ABLIM2: variants seen among roughly 807,000 people sequenced by gnomAD.
The protein encoded by ABLIM2 is actin-binding LIM protein 2.
In ABLIM2, 53 loss-of-function variants were observed where a neutral mutation model predicts 97.7. That is an observed-to-expected ratio of 0.54 (90% confidence interval 0.44 to 0.68). ABLIM2 has a LOEUF of 0.68. ABLIM2 is among the 30% of genes least tolerant of loss of function. The pLI is 0.00. For synonymous variants in ABLIM2, 361 were observed against 345.8 expected (o/e 1.04, Z -0.49); for missense variants, 835 against 867.2 (o/e 0.96, Z 0.47).
At chr4:8,109,104 C>T (rs1243908613) in intron 1 of ABLIM2, among the ~76,000 whole-genome samples, 1 of 152,370 alleles carries the variant, frequency 6.6e-6, no homozygotes, top group South Asian at 2.1e-4. Flanking sequence ...GGCCGCGGCA[C>T]TGGCCCCCCA....
At chr4:7,990,964 G>T (rs1338594390) in intron 17 of ABLIM2, among the ~76,000 whole-genome samples, 2 of 152,226 alleles carry the variant, frequency 1.3e-5, no homozygotes, top group Non-Finnish European at 2.9e-5. Context: ...ATCTCCACGT[G>T]ATGATGAGTT....
chr4:8,131,064 CTG>C (rs2152930401), intron 1 of ABLIM2, among the ~76,000 whole-genome samples: 1 of 152,326 alleles, frequency 6.6e-6, no homozygotes, highest in African/African-American at 2.4e-5. Context: ...CTTAGAATAA[CTG>C]TGATGGCACT....
chr4:8,026,929 C>T (rs1205313306), intron 12 of ABLIM2, among the ~76,000 whole-genome samples: 1 of 149,856 alleles, frequency 6.7e-6, no homozygotes, highest in East Asian at 2.0e-4. Flanking sequence ...TGTGTGTCTG[C>T]AGTGGCCTTT....
chr4:8,059,929 C>T lies in ABLIM2; in HGVS notation c.763+1038G>A, dbSNP rs909562373. Among the ~76,000 whole-genome samples the T allele has an allele frequency of 3.0e-4, 25 of 82,000 alleles. 1 individual carries two copies. Among genetic ancestry groups the T allele is most frequent in the African/African-American group, 1.1e-3 (25 of 23,016 alleles). 53.8% of individuals were successfully genotyped at this position (82,000 alleles called of 152,430 possible). A position where few individuals can be genotyped will look rare whatever the true frequency, so the allele number is the denominator to read the frequency against. Reference sequence around the variant, plus strand: ...TTCAAAAAAAAAAAAAAAAAAAAACCCCAAAAAACCCCAAAGCTGCCTCTT... The same window carrying T: ...TTCAAAAAAAAAAAAAAAAAAAAACTCCAAAAAACCCCAAAGCTGCCTCTT... On this transcript the variant is annotated intron_variant, in intron 7 of 20. Coordinates refer to ENST00000447017, the MANE Select transcript of ABLIM2 (RefSeq NM_001130083.2).
rs1754748540 is a variant in ABLIM2, at chr4:7,998,246, T to C, written c.1619-5319A>G. Among the ~76,000 whole-genome samples the C allele has an allele frequency of 6.6e-6, 1 of 152,144 alleles. No individual in the cohort carries two copies. The highest frequency in any genetic ancestry group is 1.5e-5 in the Non-Finnish European group (1 of 68,026). On this transcript the variant is annotated intron_variant, in intron 16 of 20. Transcript: ENST00000447017. The surrounding 1 kb of genome is among the most constrained non-coding windows in gnomAD (Gnocchi z 6.4). ...CGGTGTTCTTGGTGTGACGGGTAAT[T>C]TTTCTGCAGTATCCTGGGCATTTTG... is the stretch of plus-strand genomic sequence containing the variant.
At chr4:8,135,487 T>C (rs1272156127) in intron 1 of ABLIM2, among the ~76,000 whole-genome samples, 2 of 152,188 alleles carry the variant, frequency 1.3e-5, no homozygotes, top group Admixed American at 1.3e-4. Context: ...ATGGGATTAG[T>C]GCCCTTTCAA....
In ABLIM2 at chr4:8,097,281, T is replaced by A; in HGVS notation, c.156A>T (p.Ala52=). ...YFHIKCFVCK[A]CGCDLAEGGF... ...CGCCCTCGGCCAGGTCGCAGCCACA[T>A]GCTGGGGGAGGACGGGCGAGGTGGC... The change falls in exon 3 of 21, where the codon GCA becomes GCT. Residue 52 remains alanine (A), a splice_region_variant and synonymous_variant. Transcript: ENST00000447017. 1 of 1,559,456 alleles carries A rather than the reference T, an allele frequency of 6.4e-7. No individual in the cohort carries two copies. Among genetic ancestry groups the A allele is most frequent in the Middle Eastern group, 1.7e-4 (1 of 5,962 alleles).
chr4:8,099,642 G>A lies in ABLIM2; in HGVS notation c.155-2360C>T, dbSNP rs113539848. On this transcript the variant is annotated intron_variant, in intron 2 of 20. Coordinates refer to ENST00000447017, the MANE Select transcript of ABLIM2 (RefSeq NM_001130083.2). Reference sequence around the variant, plus strand: ...AGGCAGATCACGAGGTCAGGAGATCGAGACCATCCTGGCTAACATGGTGAA... The same window carrying A: ...AGGCAGATCACGAGGTCAGGAGATCAAGACCATCCTGGCTAACATGGTGAA... Among the ~76,000 whole-genome samples the A allele has an allele frequency of 3.8e-4, 58 of 152,216 alleles. 4 individuals are homozygous for A. The highest frequency in any genetic ancestry group is 3.4e-3 in the Middle Eastern group (1 of 294).
rs1711758818 is a variant in ABLIM2 at position 8,149,313 on chromosome 4, A to G, written c.10+9367T>C. On this transcript the variant is annotated intron_variant, in intron 1 of 20. Transcript: ENST00000447017. The surrounding 1 kb of genome is among the most constrained non-coding windows in gnomAD (Gnocchi z 6.4). ...CGCATATGAACAGTCATTTTGCCGCATGAGGTCACATAGTCACAGGGCCTG... is the reference window on the plus strand; with the variant it reads ...CGCATATGAACAGTCATTTTGCCGCGTGAGGTCACATAGTCACAGGGCCTG... Among the ~76,000 whole-genome samples, 1 of 152,120 alleles carries G rather than the reference A, an allele frequency of 6.6e-6. No homozygotes were observed. The highest frequency in any genetic ancestry group is 2.1e-4 in the South Asian group (1 of 4,826).
At chr4:8,063,489 T>C (rs1804817334) in intron 6 of ABLIM2, among the ~76,000 whole-genome samples, 2 of 152,220 alleles carry the variant, frequency 1.3e-5, no homozygotes, top group African/African-American at 4.8e-5. Context: ...AGCAGTGCTA[T>C]GGGTATATTA....
intron 17 of ABLIM2, among the ~76,000 whole-genome samples, chr4:7,989,868 A>T (rs975940158): frequency 6.6e-6 from 1 of 152,188 alleles, no homozygotes; most frequent in Non-Finnish European, 1.5e-5. Context: ...TATGCATCAG[A>T]GTCATTACTG....
At chr4:8,109,102 C>T (rs1416703572) in intron 1 of ABLIM2, among the ~76,000 whole-genome samples, 3 of 152,244 alleles carry the variant, frequency 2.0e-5, no homozygotes, top group African/African-American at 7.2e-5. Flanking sequence ...GAGGCCGCGG[C>T]ACTGGCCCCC....
In ABLIM2 at chr4:8,023,313, G is replaced by A. The variant is rs974769832; in HGVS notation, c.1268-3010C>T. ...CACCCAGGAAACATGACGTTCTGTC[G>A]GCACGTCTCCCAAGGCTCCTCTCGG... On this transcript the variant is annotated intron_variant, in intron 12 of 20. Transcript: ENST00000447017. The surrounding 1 kb of genome is among the most constrained non-coding windows in gnomAD (Gnocchi z 5.7). Among the ~76,000 whole-genome samples the A allele has an allele frequency of 1.4e-4, 21 of 152,304 alleles. No individual in the cohort carries two copies. Among genetic ancestry groups the A allele is most frequent in the Middle Eastern group, 6.8e-3 (2 of 294 alleles).
At chr4:8,098,747 AC>A (rs1832976921) in intron 2 of ABLIM2, among the ~76,000 whole-genome samples, 1 of 152,094 alleles carries the variant, frequency 6.6e-6, no homozygotes, top group South Asian at 2.1e-4. Flanking sequence ...AGCACACAGA[AC>A]CTACTTCAGA....
rs1810547493 is a variant in ABLIM2, at chr4:8,069,779, T to C, written c.675+7849A>G. On this transcript the variant is annotated intron_variant, in intron 6 of 20. Transcript: ENST00000447017. This position sits in a 1 kb window ranked among gnomAD's most constrained non-coding sequence, Gnocchi z 4.2. The stretch of plus-strand genomic sequence containing the variant: ...CGTTTCGGTGTGTCCATGCATGTTG[T>C]CTGTGTCTCTCCGTGTGCTTGTGTG... Among the ~76,000 whole-genome samples the C allele has an allele frequency of 1.3e-5, 2 of 152,174 alleles. No homozygotes were observed. The highest frequency in any genetic ancestry group is 4.2e-4 in the South Asian group (2 of 4,804).
In ABLIM2 at chr4:8,033,673, T is replaced by G. The variant is rs1782420567; in HGVS notation, c.1047+2476A>C. On this transcript the variant is annotated intron_variant, in intron 10 of 20. Transcript: ENST00000447017. This position sits in a 1 kb window ranked among gnomAD's most constrained non-coding sequence, Gnocchi z 4.5. Reference sequence around the variant, plus strand: ...GGGGTGACTCCCGAGCCACAGTCCCTCCCTTCCTGCCCCTTCTCTGCCCTC... The same window carrying G: ...GGGGTGACTCCCGAGCCACAGTCCCGCCCTTCCTGCCCCTTCTCTGCCCTC... 6.6e-6 allele frequency among the ~76,000 whole-genome samples: 1 copy of G among 152,136 alleles called. No individual in the cohort carries two copies. Among genetic ancestry groups the G allele is most frequent in the African/African-American group, 2.4e-5 (1 of 41,434 alleles).
In ABLIM2 at chr4:8,122,716, C is replaced by A. The variant is rs1846033803; in HGVS notation, c.11-16079G>T. 6.6e-6 allele frequency among the ~76,000 whole-genome samples: 1 copy of A among 152,144 alleles called. No individual in the cohort carries two copies. Among genetic ancestry groups the A allele is most frequent in the South Asian group, 2.1e-4 (1 of 4,824 alleles). Reference sequence around the variant, plus strand: ...GTCAGACCCTACATGGTACTTGCCACTTTAGTCCACTTGCCACTTTAGTTC... The same window carrying A: ...GTCAGACCCTACATGGTACTTGCCAATTTAGTCCACTTGCCACTTTAGTTC... On this transcript the variant is annotated intron_variant, in intron 1 of 20. Coordinates refer to ENST00000447017, the MANE Select transcript of ABLIM2 (RefSeq NM_001130083.2). The surrounding 1 kb of genome is among the most constrained non-coding windows in gnomAD (Gnocchi z 4.1).
intron 1 of ABLIM2, among the ~76,000 whole-genome samples, chr4:8,108,052 C>T (rs1225212097): frequency 1.3e-5 from 2 of 152,220 alleles, no homozygotes; most frequent in East Asian, 3.9e-4. Flanking sequence ...GATTTTAGCC[C>T]AGCAAGACCT....
chr4:8,085,237 T>A lies in ABLIM2; in HGVS notation c.454+2932A>T, dbSNP rs1822649807. Reference sequence around the variant, plus strand: ...GGAGGGGCAGCCACACAGGCAGCCATGTGAGGCCCCACCCTGCTGCCCCCC... The same window carrying A: ...GGAGGGGCAGCCACACAGGCAGCCAAGTGAGGCCCCACCCTGCTGCCCCCC... On this transcript the variant is annotated intron_variant, in intron 4 of 20. Transcript: ENST00000447017. The surrounding 1 kb of genome is among the most constrained non-coding windows in gnomAD (Gnocchi z 6.1). Among the ~76,000 whole-genome samples, 1 of 152,022 alleles carries A rather than the reference T, an allele frequency of 6.6e-6. No individual in the cohort carries two copies. The highest frequency in any genetic ancestry group is 2.1e-4 in the South Asian group (1 of 4,818).
Sources: allele counts gnomAD v4.1 joint callset (sites outside exome capture counted in the v4.1 genomes callset), GRCh38; gene constraint gnomAD v4.1.1; non-coding constraint Gnocchi (gnomAD v3.1); transcripts MANE v1.5; gene names NCBI Gene and HGNC (gene_info 2026-07-23, HGNC 2026-07-21).